TOP3A: variants seen among roughly 807,000 people sequenced by gnomAD.
TOP3A encodes the protein DNA topoisomerase III alpha, also known as DNA topoisomerase 3-alpha.
Under a neutral mutation model 111.3 loss-of-function variants are expected in TOP3A, and 64 were observed. The observed-to-expected ratio is 0.57, with a 90% confidence interval of 0.47 to 0.71. The LOEUF (loss-of-function observed/expected upper bound fraction) is 0.71. Among genes scored for constraint, TOP3A ranks in the 30% least tolerant of loss-of-function variants. TOP3A has a pLI of 0.00. For missense variants in TOP3A, 1,104 were observed against 1,285.0 expected, an observed-to-expected ratio of 0.86 and a Z score of 2.15; for synonymous variants, 484 against 485.1, an observed-to-expected ratio of 1.00 and a Z score of 0.03.
chr17:18,303,498 A>G (rs535473357), intron 5 of TOP3A, among the ~76,000 whole-genome samples: 5 of 152,290 alleles, frequency 3.3e-5, no homozygotes, highest in East Asian at 1.9e-4. Context: ...ACAACCGACC[A>G]TATATTCTAT....
Position 18,302,575 on chromosome 17 carries a change from C to T in TOP3A, c.643+5G>A. 6.2e-7 allele frequency: 1 copy of T among 1,613,832 alleles called. No homozygotes were observed. On this transcript the variant is annotated splice_donor_5th_base_variant and intron_variant, in intron 6 of 18. Transcript: ENST00000321105. ...GCCATGGGAGAGGTCTGCCTAGCTC[C>T]TCACCAATCCTCAGGTCCAGCTCCT... is the stretch of plus-strand genomic sequence containing the variant.
At chr17:18,302,197 C>A in intron 7 of TOP3A, 67 bp downstream of exon 7, 1 of 1,524,884 alleles carries the variant, frequency 6.6e-7, no homozygotes, top group Admixed American at 2.1e-5. Context: ...GCTATTAATG[C>A]TCACAGTCCC....
Position 18,308,223 on chromosome 17 carries a change from CAAAAAAAAAAAAAAAAAAAA to C in TOP3A, c.314+108_314+127del, listed in dbSNP as rs201230376. 3.6e-3 allele frequency: 884 copies of C among 245,102 alleles called. 3 individuals are homozygous for C. The highest frequency in any genetic ancestry group is 0.011 in the East Asian group (93 of 8,800). 15.2% of individuals were successfully genotyped at this position (245,102 alleles called of 1,614,324 possible). On this transcript the variant is annotated intron_variant, in intron 3 of 18. Transcript: ENST00000321105. ...TCTCACTCTGAAACTTTGTCTCCAACAAAAAAAAAAAAAAAAAAAAAAAAAAAAAAAAAAAATTACCCAGT... is the reference window on the plus strand; with the variant it reads ...TCTCACTCTGAAACTTTGTCTCCAACAAAAAAAAAAAAAAAATTACCCAGT...
At position 18,272,589 on chromosome 17, in the gene TOP3A, T is replaced by C. The variant is rs1979063661; in HGVS notation, c.*2213A>G. On this transcript the variant is annotated 3_prime_UTR_variant, in exon 19 of 19. Transcript: ENST00000321105. ...CATACAGTGGGCTATCAGCTTATCA[T>C]AAACATCGAGGACTGACATGCTACA... Among the ~76,000 whole-genome samples, 1 of 152,136 alleles carries C rather than the reference T, an allele frequency of 6.6e-6. No homozygotes were observed. The highest frequency in any genetic ancestry group is 6.5e-5 in the Admixed American group (1 of 15,270).
chr17:18,296,618 C>G (rs1349996983), intron 9 of TOP3A, among the ~76,000 whole-genome samples: 4 of 152,108 alleles, frequency 2.6e-5, no homozygotes, highest in Admixed American at 6.6e-5. Context: ...CATAACTTCC[C>G]CCATGCAATC....
chr17:18,279,258 T>C (rs1417016046), intron 17 of TOP3A, among the ~76,000 whole-genome samples: 2 of 152,180 alleles, frequency 1.3e-5, no homozygotes, highest in East Asian at 3.9e-4. Context: ...AAATAAATTA[T>C]TAAAATTTTT....
rs551286682 is a variant in TOP3A, at chr17:18,290,914, A to T, written c.1395T>A (p.Phe465Leu). 1 of 1,614,204 alleles carries T rather than the reference A, an allele frequency of 6.2e-7. No individual in the cohort carries two copies. The highest frequency in any genetic ancestry group is 8.5e-7 in the Non-Finnish European group (1 of 1,180,036). ...CCAGAATCATGAGGCCATGGGCCAC[A>T]AAGCGTTCCTGAGCGATGTCGATCT... The part of the protein sequence containing the change: ...TVEIDIAQER[F>L]VAHGLMILAR... Residue 465 changes from phenylalanine (F) to leucine (L), a missense_variant, in exon 12 of 19, where the codon TTT becomes TTA. Transcript: ENST00000321105.
At chr17:18,288,148 T>C (rs934638390) in intron 13 of TOP3A, among the ~76,000 whole-genome samples, 1 of 132,260 alleles carries the variant, frequency 7.6e-6, no homozygotes, top group African/African-American at 2.9e-5. Flanking sequence ...TATATATATA[T>C]AAATTTTTTT....
intron 9 of TOP3A, among the ~76,000 whole-genome samples, chr17:18,297,423 C>CCTGTCT (rs1980881093): frequency 6.6e-6 from 1 of 151,956 alleles, no homozygotes; most frequent in Non-Finnish European, 1.5e-5. Context: ...GAAACTGCGC[C>CCTGTCT]CTGTCCCTGT....
intron 10 of TOP3A, among the ~76,000 whole-genome samples, chr17:18,293,470 AG>A (rs1980607271): frequency 7.2e-6 from 1 of 139,546 alleles, no homozygotes; most frequent in African/African-American, 2.7e-5. Flanking sequence ...TTTTTTTTGT[AG>A]AGACAGGGTT....
chr17:18,275,344 CTTT>C (rs71155327), intron 18 of TOP3A, among the ~76,000 whole-genome samples: 1 of 77,152 alleles, frequency 1.3e-5, no homozygotes, highest in African/African-American at 5.6e-5. Flanking sequence ...GCTGAACCAA[CTTT>C]TTTTTTTTTT....
At position 18,280,373 on chromosome 17, in the gene TOP3A, C is replaced by T. The variant is rs528173587; in HGVS notation, c.2144+163G>A. ...AAAGCAGTGACAGCATGGAACACAA[C>T]AGAACTGGACCAGCCCTGCTGAACT... On this transcript the variant is annotated intron_variant, in intron 17 of 18. Coordinates refer to ENST00000321105, the MANE Select transcript of TOP3A (RefSeq NM_004618.5). 1.2e-5 allele frequency: 9 copies of T among 735,264 alleles called. No homozygotes were observed. In the East Asian group the frequency reaches 2.7e-4, roughly 22 times the overall value. 45.5% of individuals were successfully genotyped at this position (735,264 alleles called of 1,614,324 possible).
chr17:18,271,665 CA>C lies in TOP3A; in HGVS notation c.*3136del. On this transcript the variant is annotated 3_prime_UTR_variant, in exon 19 of 19. Transcript: ENST00000321105. ...AATCCTGCAGTTTGCTTTTGAGACACACAGTTGCCTGCAGAGATGTGAAAAC... is the reference window on the plus strand; with the variant it reads ...AATCCTGCAGTTTGCTTTTGAGACACCAGTTGCCTGCAGAGATGTGAAAAC... The C allele has an allele frequency of 3.1e-6, 1 of 325,722 alleles. No individual in the cohort carries two copies. Among genetic ancestry groups the C allele is most frequent in the Non-Finnish European group, 5.9e-6 (1 of 169,964 alleles). The allele number at this position is 325,722 out of a possible 1,614,324, so 20.2% of individuals were successfully genotyped here.
rs1340711544 is a variant in TOP3A at position 18,277,523 on chromosome 17, G to A, written c.2827+152C>T. Reference sequence around the variant, plus strand: ...GTACAATTATCACCTTGCTGAAAGTGATCAAGTGAGGAAAAGTGAGGTGCA... The same window carrying A: ...GTACAATTATCACCTTGCTGAAAGTAATCAAGTGAGGAAAAGTGAGGTGCA... On this transcript the variant is annotated intron_variant, in intron 18 of 18. Coordinates refer to ENST00000321105, the MANE Select transcript of TOP3A (RefSeq NM_004618.5). 3 of 766,214 alleles carry A rather than the reference G, an allele frequency of 3.9e-6. No individual in the cohort carries two copies. In the Admixed American group the frequency reaches 8.4e-5, roughly 21 times the overall value. The allele number at this position is 766,214 out of a possible 1,614,324, so 47.5% of individuals were successfully genotyped here.
chr17:18,306,897 G>A lies in TOP3A; in HGVS notation c.384C>T (p.Asp128=). ...IEKYCPENFV[D]IKKTLERETR... The stretch of plus-strand genomic sequence containing the variant: ...GTCTTCCAAAAGACCCTACCTTGAT[G>A]TCTACAAAATTCTCTGGGCAGTACT... The change falls in exon 4 of 19, where the codon GAC becomes GAT. Residue 128 remains aspartate (D), a synonymous_variant. Transcript: ENST00000321105. 1 of 1,610,028 alleles carries A rather than the reference G, an allele frequency of 6.2e-7. No homozygotes were observed. The highest frequency in any genetic ancestry group is 8.5e-7 in the Non-Finnish European group (1 of 1,176,384).
intron 16 of TOP3A, among the ~76,000 whole-genome samples, 194 bp from the exon 17 acceptor site, chr17:18,280,852 A>AT (rs1979715571): frequency 6.6e-6 from 1 of 152,246 alleles, no homozygotes; most frequent in African/African-American, 2.4e-5. Context: ...AAAAGCACAA[A>AT]GCAGCTATTG....
Position 18,295,583 on chromosome 17 carries a change from T to A in TOP3A, c.991-798A>T, listed in dbSNP as rs1980746364. Among the ~76,000 whole-genome samples the A allele has an allele frequency of 5.3e-5, 8 of 151,662 alleles. No homozygotes were observed. The South Asian group carries it at 1.7e-3, about 32-fold the overall frequency. On this transcript the variant is annotated intron_variant, in intron 9 of 18. Coordinates refer to ENST00000321105, the MANE Select transcript of TOP3A (RefSeq NM_004618.5). ...TTCATGCGATTCTCCTGCCTCAGCCTCCTGAGTAGCTGGGACTACAGGTGC... is the reference window on the plus strand; with the variant it reads ...TTCATGCGATTCTCCTGCCTCAGCCACCTGAGTAGCTGGGACTACAGGTGC...
In TOP3A at chr17:18,302,286, T is replaced by C; in HGVS notation, c.792A>G (p.Pro264=). The change falls in exon 7 of 19, where the codon CCA becomes CCG. Residue 264 remains proline, a synonymous_variant. Coordinates refer to ENST00000321105, the MANE Select transcript of TOP3A (RefSeq NM_004618.5). The part of the protein sequence containing the change: ...ERFKAIQAFV[P]EIFHRIKVTH... ...TACCTTTAATTCTGTGGAAGATTTCTGGTACAAAAGCCTGAATGGCTTTGA... is the reference window on the plus strand; with the variant it reads ...TACCTTTAATTCTGTGGAAGATTTCCGGTACAAAAGCCTGAATGGCTTTGA... The C allele has an allele frequency of 6.2e-7, 1 of 1,611,128 alleles. No individual in the cohort carries two copies. Among genetic ancestry groups the C allele is most frequent in the Non-Finnish European group, 8.5e-7 (1 of 1,179,398 alleles).
At chr17:18,305,502 G>T (rs960443304) in intron 4 of TOP3A, among the ~76,000 whole-genome samples, 2 of 151,720 alleles carry the variant, frequency 1.3e-5, no homozygotes, top group Non-Finnish European at 2.9e-5. Flanking sequence ...GCGCGCGCGC[G>T]CGCACGCACA....
Sources: allele counts gnomAD v4.1 joint callset (sites outside exome capture counted in the v4.1 genomes callset), GRCh38; gene constraint gnomAD v4.1.1; transcripts MANE v1.5; gene names NCBI Gene and HGNC (gene_info 2026-07-23, HGNC 2026-07-21).